The following C3orf20 variants were observed in gnomAD, a reference collection of about 807,000 sequenced individuals.
C3orf20 encodes the protein uncharacterized protein C3orf20.
Under a neutral mutation model 88.3 loss-of-function variants are expected in C3orf20, and 76 were observed. The ratio of observed to expected loss-of-function variants is 0.86; its 90% CI spans 0.72 to 1.04. The LOEUF is 1.04. Among genes scored for constraint, C3orf20 ranks in the 50% least tolerant of loss-of-function variants. The probability of loss-of-function intolerance (pLI) is 0.00; values close to 1 mark genes in which losing one functional copy is unlikely to be tolerated. For missense variants in C3orf20, 1,056 were observed against 1,123.3 expected, an observed-to-expected ratio of 0.94 and a Z score of 0.86; for synonymous variants, 436 against 437.4, an observed-to-expected ratio of 1.00 and a Z score of 0.04.
rs746131672 is a variant in C3orf20 at position 14,690,017 on chromosome 3, G to A, written c.646G>A (p.Ala216Thr). 7 of 1,614,022 alleles carry A rather than the reference G, an allele frequency of 4.3e-6. No individual in the cohort carries two copies. The African/African-American group carries it at 6.7e-5, about 15-fold the overall frequency. Residue 216 changes from alanine (A) to threonine (T), a missense_variant, in exon 5 of 17, where the codon GCC becomes ACC. By Grantham distance (58) the Ala-to-Thr change is moderately conservative. Transcript: ENST00000253697. ...LWKESLANMS[A>T]IGVNSPYQLI... ...TCCAGAGTCCCTCGCAAACATGTCC[G>A]CCATTGGGGTGAACTCGCCTTACCA...
At chr3:14,686,192 T>TTGTGTGTGTGTGTG (rs2032420503) in intron 4 of C3orf20, among the ~76,000 whole-genome samples, 1 of 32,670 alleles carries the variant, frequency 3.1e-5, no homozygotes, top group East Asian at 7.6e-4. Flanking sequence ...TGAATCATAT[T>TTGTGTGTGTGTGTG]CGTGTGTGTG....
intron 15 of C3orf20, among the ~76,000 whole-genome samples, chr3:14,769,451 C>T (rs2035802718): frequency 6.6e-6 from 1 of 152,000 alleles, no homozygotes; most frequent in Admixed American, 6.5e-5. Flanking sequence ...AACATGCTAT[C>T]CAGATGGGAG....
intron 5 of C3orf20, among the ~76,000 whole-genome samples, chr3:14,699,147 C>A (rs1343848136): frequency 1.3e-5 from 2 of 152,164 alleles, no homozygotes; most frequent in African/African-American, 4.8e-5. Context: ...CTTTTCAGGG[C>A]AGTGGGCTCC....
intron 5 of C3orf20, among the ~76,000 whole-genome samples, chr3:14,698,510 G>T (rs1446571343): frequency 1.3e-5 from 2 of 152,224 alleles, no homozygotes; most frequent in Non-Finnish European, 2.9e-5. Context: ...AGAATGTTGC[G>T]GTTCTTGCAG....
intron 4 of C3orf20, among the ~76,000 whole-genome samples, chr3:14,688,529 C>CAAAAAAAAAAAA (rs35979290): frequency 9.4e-6 from 1 of 105,832 alleles, no homozygotes; most frequent in Non-Finnish European, 1.8e-5. Context: ...GAGACTGTCT[C>CAAAAAAAAAAAA]AAAAAAAAAA....
chr3:14,710,177 C>G (rs551128352), intron 7 of C3orf20, among the ~76,000 whole-genome samples: 2 of 150,928 alleles, frequency 1.3e-5, no homozygotes, highest in African/African-American at 4.9e-5. Flanking sequence ...GTATCATTGT[C>G]TTAGGATTTT....
intron 4 of C3orf20, among the ~76,000 whole-genome samples, chr3:14,687,133 G>A (rs904149759): frequency 6.6e-5 from 10 of 152,092 alleles, no homozygotes; most frequent in Non-Finnish European, 1.2e-4. Flanking sequence ...AAGCAGTAAA[G>A]CTCTTCAATA....
chr3:14,735,635 C>T (rs1233042548), intron 12 of C3orf20, among the ~76,000 whole-genome samples: 1 of 151,870 alleles, frequency 6.6e-6, no homozygotes. Flanking sequence ...TCTCTGTCAC[C>T]CAGGCTGGAG....
chr3:14,727,108 CCTTTA>C lies in C3orf20; in HGVS notation c.1690+91_1690+95del, dbSNP rs377404792. The C allele has an allele frequency of 1.0e-3, 1,512 of 1,455,744 alleles. 10 individuals carry two copies. In the African/African-American group the frequency reaches 0.018, roughly 18 times the overall value. 90.2% of individuals were successfully genotyped at this position (1,455,744 alleles called of 1,614,324 possible). On this transcript the variant is annotated intron_variant, in intron 11 of 16. Coordinates refer to ENST00000253697, the MANE Select transcript of C3orf20 (RefSeq NM_032137.5). ...CTGGCAGGTCATCTCAAGGGACAGA[CCTTTA>C]CTTTACCGCCCATTCCATCTTCAGT...
At chr3:14,735,485 A>G (rs1259874264) in intron 12 of C3orf20, among the ~76,000 whole-genome samples, 2 of 152,174 alleles carry the variant, frequency 1.3e-5, no homozygotes, top group Non-Finnish European at 2.9e-5. Flanking sequence ...TTTGCAGACA[A>G]TGCAATGATC....
At chr3:14,679,743 A>G (rs2031983191) in intron 1 of C3orf20, among the ~76,000 whole-genome samples, 2 of 152,246 alleles carry the variant, frequency 1.3e-5, no homozygotes, top group Non-Finnish European at 2.9e-5. Flanking sequence ...ATCTCAGGCC[A>G]GGATGTAGTC....
chr3:14,738,478 G>A (rs1421779416), intron 12 of C3orf20, among the ~76,000 whole-genome samples: 1 of 151,064 alleles, frequency 6.6e-6, no homozygotes, highest in African/African-American at 2.4e-5. Flanking sequence ...ACAGGCACCC[G>A]CCACCACACC....
At chr3:14,728,018 A>G (rs2034413758) in intron 11 of C3orf20, among the ~76,000 whole-genome samples, 1 of 152,100 alleles carries the variant, frequency 6.6e-6, no homozygotes, top group Non-Finnish European at 1.5e-5. Flanking sequence ...CAAGACAAGA[A>G]TATAAATAAA....
intron 7 of C3orf20, among the ~76,000 whole-genome samples, chr3:14,710,022 A>G (rs1015784080): frequency 3.9e-5 from 6 of 152,142 alleles, no homozygotes; most frequent in Admixed American, 2.0e-4. Context: ...GTGATTTTTC[A>G]TTAATGATTT....
chr3:14,753,777 T>G (rs1293228164), intron 12 of C3orf20, among the ~76,000 whole-genome samples: 3 of 152,236 alleles, frequency 2.0e-5, no homozygotes, highest in African/African-American at 7.2e-5. Context: ...CAAACTACTT[T>G]TATAAAGACT....
intron 12 of C3orf20, among the ~76,000 whole-genome samples, chr3:14,744,343 A>G (rs957268114): frequency 2.0e-5 from 3 of 151,926 alleles, no homozygotes; most frequent in Non-Finnish European, 4.4e-5. Context: ...CCTCATCTCC[A>G]TCTGAGACCA....
At chr3:14,750,403 C>T (rs1012994300) in intron 12 of C3orf20, among the ~76,000 whole-genome samples, 28 of 151,964 alleles carry the variant, frequency 1.8e-4, no homozygotes, top group African/African-American at 6.3e-4. Context: ...CCTGTCTCTA[C>T]GAAACAGCCA....
intron 12 of C3orf20, among the ~76,000 whole-genome samples, chr3:14,756,513 A>G (rs905351449): frequency 1.3e-5 from 2 of 152,224 alleles, no homozygotes; most frequent in Non-Finnish European, 2.9e-5. Flanking sequence ...ATAGCAAGCA[A>G]TGCTAAGAAG....
chr3:14,691,827 T>C lies in C3orf20; in HGVS notation c.745+1711T>C, dbSNP rs139591443. Among the ~76,000 whole-genome samples, 772 of 152,346 alleles carry C rather than the reference T, an allele frequency of 5.1e-3. 5 individuals are homozygous for C. Among genetic ancestry groups the C allele is most frequent in the African/African-American group, 0.018 (730 of 41,574 alleles). ...AAATTATATTTGACTGTAATCACCCTGTGTGCTATCAAATACTAGGTCTTA... is the reference window on the plus strand; with the variant it reads ...AAATTATATTTGACTGTAATCACCCCGTGTGCTATCAAATACTAGGTCTTA... On this transcript the variant is annotated intron_variant, in intron 5 of 16. Coordinates refer to ENST00000253697, the MANE Select transcript of C3orf20 (RefSeq NM_032137.5).
Sources: gnomAD v4.1 joint callset for allele counts (sites outside exome capture counted in the v4.1 genomes callset) on GRCh38, gnomAD v4.1.1 for gene constraint, MANE v1.5 for transcripts, NCBI Gene and HGNC (gene_info 2026-07-23, HGNC 2026-07-21) for gene names.